Variants in COPB2 observed in about 807,000 individuals in gnomAD.
The protein encoded by COPB2 is coatomer subunit beta'.
COPB2 carries 16 observed loss-of-function variants against 120.8 expected under a neutral mutation model. The observed-to-expected ratio is 0.13, with a 90% CI of 0.09 to 0.20. COPB2 has a LOEUF of 0.20. Among genes scored for constraint, COPB2 ranks in the 10% least tolerant of loss-of-function variants. The pLI is 1.00. For missense variants in COPB2, 794 were observed against 1,076.5 expected (o/e 0.74, Z 3.67); for synonymous variants, 332 against 366.3 (o/e 0.91, Z 1.07).
intron 10 of COPB2, 57 bp from the exon 11 acceptor site, chr3:139,369,601 C>A: frequency 4.8e-6 from 5 of 1,040,894 alleles, no homozygotes; most frequent in Middle Eastern, 2.3e-4. Context: ...CATAGTTCTA[C>A]CAAATGTTGG....
chr3:139,373,422 A>G lies in COPB2; in HGVS notation c.895-10T>C. 6.2e-7 allele frequency: 1 copy of G among 1,613,982 alleles called. No individual in the cohort carries two copies. On this transcript the variant is annotated splice_polypyrimidine_tract_variant and intron_variant, in intron 8 of 21. Coordinates refer to ENST00000333188, the MANE Select transcript of COPB2 (RefSeq NM_004766.3). ...GTTCCTCCCGACCAAGCTGAAAGAA[A>G]GAAAAATAGCTCTCAGCAATGAAAA...
intron 4 of COPB2, among the ~76,000 whole-genome samples, chr3:139,378,515 G>A (rs567111530): frequency 6.6e-5 from 10 of 152,178 alleles, no homozygotes; most frequent in Non-Finnish European, 5.9e-5. Flanking sequence ...TGACTGAATA[G>A]TGATAGCAAT....
intron 15 of COPB2, among the ~76,000 whole-genome samples, chr3:139,364,300 C>CCACCTCCCCTCTCT (rs1482933317): frequency 1.3e-5 from 2 of 152,000 alleles, no homozygotes; most frequent in Non-Finnish European, 2.9e-5. Flanking sequence ...CTCCCCTCTC[C>CCACCTCCCCTCTCT]CACCTCCCCT....
intron 1 of COPB2, chr3:139,385,009 T>G (rs1180242607): frequency 6.6e-6 from 1 of 152,280 alleles, no homozygotes; most frequent in Non-Finnish European, 1.5e-5. Flanking sequence ...TTTACTTTTT[T>G]TCTTTTTGAG....
chr3:139,386,536 AATC>A (rs1345312715), intron 1 of COPB2, among the ~76,000 whole-genome samples: 2 of 152,106 alleles, frequency 1.3e-5, no homozygotes, highest in East Asian at 3.9e-4. Context: ...TCCACTTTCA[AATC>A]ATCATCTTAA....
At chr3:139,363,365 T>C (rs1941460177) in intron 15 of COPB2, among the ~76,000 whole-genome samples, 1 of 152,162 alleles carries the variant, frequency 6.6e-6, no homozygotes, top group African/African-American at 2.4e-5. Context: ...GCATGAACCC[T>C]ATTGTGAACT....
At position 139,367,011 on chromosome 3, in the gene COPB2, G is replaced by T. The variant is rs987254113; in HGVS notation, c.1676+4C>A. The T allele has an allele frequency of 1.2e-6, 2 of 1,606,446 alleles. No individual in the cohort carries two copies. The highest frequency in any genetic ancestry group is 1.7e-6 in the Non-Finnish European group (2 of 1,177,606). ...AGGACAAATGCAAAATGATACTCAG[G>T]TACCTGTCCAAGTGGGCAATGGTGA... On this transcript the variant is annotated splice_donor_region_variant and intron_variant, in intron 14 of 21. Coordinates refer to ENST00000333188, the MANE Select transcript of COPB2 (RefSeq NM_004766.3).
chr3:139,374,199 T>A (rs1249926113), intron 7 of COPB2: 1 of 431,188 alleles, frequency 2.3e-6, no homozygotes. Flanking sequence ...TGAACCCAGG[T>A]TTGTTTGACT....
intron 1 of COPB2, chr3:139,385,251 A>G (rs988549782): frequency 6.6e-6 from 1 of 152,238 alleles, no homozygotes; most frequent in African/African-American, 2.4e-5. Flanking sequence ...GTTAGCCAGG[A>G]TGGTTTCGAT....
At chr3:139,366,248 C>A (rs1941513549) in intron 15 of COPB2, among the ~76,000 whole-genome samples, 13 of 146,270 alleles carry the variant, frequency 8.9e-5, no homozygotes, top group Admixed American at 7.4e-4. Flanking sequence ...GTATTTTAAT[C>A]ATTTTTTTTT....
intron 5 of COPB2, among the ~76,000 whole-genome samples, 194 bp downstream of exon 5, chr3:139,377,847 A>G (rs905244587): frequency 3.9e-5 from 6 of 152,262 alleles, no homozygotes; most frequent in African/African-American, 1.4e-4. Flanking sequence ...CATTAAGAGC[A>G]CTGAGTTGCC....
At chr3:139,388,491 C>T (rs1941976251) in intron 1 of COPB2, 2 of 53,260 alleles carry the variant, frequency 3.8e-5, no homozygotes, top group Non-Finnish European at 1.3e-4. Flanking sequence ...GTATTCCTAA[C>T]TTTTTCCTAG....
In COPB2 at chr3:139,366,584, T is replaced by C; in HGVS notation, c.1868A>G (p.His623Arg). The C allele has an allele frequency of 6.2e-7, 1 of 1,609,898 alleles. No homozygotes were observed. The highest frequency in any genetic ancestry group is 1.7e-5 in the Admixed American group (1 of 59,288). The stretch of plus-strand genomic sequence containing the variant: ...ACCTCTTACCTGCTTTTCCAAAAAG[T>C]GTGCAACTCTGGTCCTCTGTTCTTT... Reference protein sequence around the residue: ...IPKEQRTRVAHFLEKQGFKQQ... With the variant: ...IPKEQRTRVARFLEKQGFKQQ... Residue 623 changes from histidine to arginine, a missense_variant, in exon 15 of 22, where the codon CAC becomes CGC. Coordinates refer to ENST00000333188, the MANE Select transcript of COPB2 (RefSeq NM_004766.3).
chr3:139,389,632 G>C lies in COPB2; in HGVS notation c.-82C>G, dbSNP rs1442339168. 2.2e-6 allele frequency: 3 copies of C among 1,395,080 alleles called. No individual in the cohort carries two copies. Among genetic ancestry groups the C allele is most frequent in the African/African-American group, 1.5e-5 (1 of 68,868 alleles). The allele number at this position is 1,395,080 out of a possible 1,614,324, so 86.4% of individuals were successfully genotyped here. A position where few individuals can be genotyped will look rare whatever the true frequency, so the allele number is the denominator to read the frequency against. On this transcript the variant is annotated 5_prime_UTR_variant, in exon 1 of 22. Transcript: ENST00000333188. ...AGATAAACCCACCGATCCACTGACC[G>C]TCAGACTGACTGACGTGGAACTTCC...
chr3:139,371,940 AT>A, intron 9 of COPB2, 107 bp from the exon 10 acceptor site: 4 of 753,658 alleles, frequency 5.3e-6, no homozygotes, highest in Non-Finnish European at 8.7e-6. Flanking sequence ...AACAAATGTT[AT>A]TTAGTTCATT....
chr3:139,364,268 G>A (rs1941476694), intron 15 of COPB2, among the ~76,000 whole-genome samples: 1 of 152,196 alleles, frequency 6.6e-6, no homozygotes, highest in Non-Finnish European at 1.5e-5. Context: ...TGCCCTAAAA[G>A]CATTCAGAAA....
intron 7 of COPB2, 89 bp downstream of exon 7, chr3:139,374,400 A>T: frequency 9.4e-7 from 1 of 1,066,230 alleles, no homozygotes; most frequent in Non-Finnish European, 1.4e-6. Context: ...ATCCTTGGAA[A>T]CCTACAATTA....
At chr3:139,376,670 T>C (rs1488011780) in intron 5 of COPB2, among the ~76,000 whole-genome samples, 1 of 152,252 alleles carries the variant, frequency 6.6e-6, no homozygotes, top group Non-Finnish European at 1.5e-5. Context: ...AACAGTGTTT[T>C]ATATAGGTGA....
intron 5 of COPB2, among the ~76,000 whole-genome samples, chr3:139,376,994 C>G (rs1576376450): frequency 6.6e-6 from 1 of 152,308 alleles, no homozygotes. Context: ...TGTGATCCAC[C>G]TGCCTCGGTC....
Sources: gnomAD v4.1 joint callset for allele counts (sites outside exome capture counted in the v4.1 genomes callset) on GRCh38, gnomAD v4.1.1 for gene constraint, MANE v1.5 for transcripts, NCBI Gene and HGNC (gene_info 2026-07-23, HGNC 2026-07-21) for gene names.